LIN7A: variants seen among roughly 807,000 people sequenced by gnomAD.
LIN7A encodes protein lin-7 homolog A.
Under a neutral mutation model 29.8 loss-of-function variants are expected in LIN7A, and 25 were observed. The observed-to-expected ratio is 0.84, with a 90% CI of 0.61 to 1.17. LIN7A has a LOEUF of 1.17. LIN7A is among the 50% of genes most tolerant of loss of function. The pLI is 0.00. For missense variants in LIN7A, 239 were observed against 287.0 expected, an observed-to-expected ratio of 0.83 and a Z score of 1.21; for synonymous variants, 118 against 107.5, an observed-to-expected ratio of 1.10 and a Z score of -0.60.
chr12:80,829,227 G>T (rs537058364), intron 4 of LIN7A, among the ~76,000 whole-genome samples: 6 of 152,264 alleles, frequency 3.9e-5, no homozygotes, highest in African/African-American at 1.4e-4. Context: ...GGTAACTCAG[G>T]TGAAATGAAG....
intron 1 of LIN7A, among the ~76,000 whole-genome samples, chr12:80,902,217 G>GGTTTTTTTTTTTTTTT (rs1876251078): frequency 1.8e-4 from 22 of 125,624 alleles, no homozygotes; most frequent in African/African-American, 6.4e-4. Context: ...TGGTCTATGT[G>GGTTTTTTTTTTTTTTT]TTTTTTTTTT....
At chr12:80,926,927 CAAAA>C (rs35483715) in intron 1 of LIN7A, among the ~76,000 whole-genome samples, 21 of 55,890 alleles carry the variant, frequency 3.8e-4, no homozygotes, top group Admixed American at 9.7e-4. Flanking sequence ...GACTCCATCT[CAAAA>C]AAAAAAAAAA....
chr12:80,932,744 A>G (rs563647706), intron 1 of LIN7A, among the ~76,000 whole-genome samples: 1 of 152,354 alleles, frequency 6.6e-6, no homozygotes, highest in Admixed American at 6.5e-5. Context: ...TGAAAAGTGA[A>G]GGAGAATTGG....
intron 4 of LIN7A, among the ~76,000 whole-genome samples, chr12:80,831,199 T>C (rs1872332289): frequency 6.6e-6 from 1 of 152,218 alleles, no homozygotes. Flanking sequence ...AGCAATGTTA[T>C]ATAGCCTTGT....
At chr12:80,934,071 G>A (rs1347553019) in intron 1 of LIN7A, among the ~76,000 whole-genome samples, 5 of 152,026 alleles carry the variant, frequency 3.3e-5, no homozygotes, top group African/African-American at 7.2e-5. Context: ...CATTAGACTC[G>A]TAAGGACCAC....
At chr12:80,886,280 A>G (rs1394460974) in intron 2 of LIN7A, among the ~76,000 whole-genome samples, 2 of 151,994 alleles carry the variant, frequency 1.3e-5, no homozygotes, top group Non-Finnish European at 2.9e-5. Flanking sequence ...ACTATAATGC[A>G]ACTTCGAGAC....
chr12:80,878,862 T>A (rs564673093), intron 2 of LIN7A, among the ~76,000 whole-genome samples: 15 of 152,174 alleles, frequency 9.9e-5, no homozygotes, highest in Non-Finnish European at 1.6e-4. Flanking sequence ...CAGCACTGAT[T>A]GGTGTGTTTT....
intron 2 of LIN7A, among the ~76,000 whole-genome samples, chr12:80,875,204 A>T (rs1434234175): frequency 6.6e-6 from 1 of 152,202 alleles, no homozygotes; most frequent in African/African-American, 2.4e-5. Context: ...CCATAAAATT[A>T]CGTTTACAGT....
chr12:80,926,927 CAAA>C (rs35483715), intron 1 of LIN7A, among the ~76,000 whole-genome samples: 3,027 of 55,502 alleles, frequency 0.055, 66 homozygotes, highest in East Asian at 0.22. Flanking sequence ...GACTCCATCT[CAAA>C]AAAAAAAAAA....
At chr12:80,868,291 A>G (rs12319667) in intron 2 of LIN7A, among the ~76,000 whole-genome samples, 64,697 of 152,078 alleles carry the variant, frequency 0.43, 14,208 homozygotes, top group East Asian at 0.68. Context: ...TAAACTGGCC[A>G]GGAACGGTGG....
chr12:80,919,571 G>A (rs1416193824), intron 1 of LIN7A, among the ~76,000 whole-genome samples: 1 of 152,124 alleles, frequency 6.6e-6, no homozygotes, highest in Non-Finnish European at 1.5e-5. Context: ...AAAACAAGAG[G>A]TGTAGACCCA....
At chr12:80,828,882 A>G (rs1592869337) in intron 4 of LIN7A, among the ~76,000 whole-genome samples, 2 of 152,288 alleles carry the variant, frequency 1.3e-5, no homozygotes, top group Non-Finnish European at 2.9e-5. Context: ...TGGTGTTTCT[A>G]CACGTGGAGA....
At chr12:80,801,496 T>A (rs1870719684) in intron 5 of LIN7A, among the ~76,000 whole-genome samples, 1 of 152,204 alleles carries the variant, frequency 6.6e-6, no homozygotes, top group African/African-American at 2.4e-5. Flanking sequence ...CAAGATATAT[T>A]TTTAAAATTG....
At chr12:80,804,955 A>C (rs1870907249) in intron 5 of LIN7A, among the ~76,000 whole-genome samples, 1 of 152,128 alleles carries the variant, frequency 6.6e-6, no homozygotes, top group Non-Finnish European at 1.5e-5. Flanking sequence ...GTTGCTTCTA[A>C]ATCTTGGCTA....
intron 4 of LIN7A, 54 bp from the exon 5 acceptor site, chr12:80,811,737 G>A: frequency 1.3e-6 from 2 of 1,552,190 alleles, no homozygotes; most frequent in South Asian, 1.2e-5. Flanking sequence ...TCTTTTCCCT[G>A]GAGACAAATC....
chr12:80,801,959 C>A (rs934641096), intron 5 of LIN7A, among the ~76,000 whole-genome samples: 2 of 149,318 alleles, frequency 1.3e-5, no homozygotes, highest in Admixed American at 6.7e-5. Context: ...TGCAGTGGTG[C>A]GATCTCGGCT....
At chr12:80,848,089 G>T (rs1055426523) in intron 3 of LIN7A, 162 bp downstream of exon 3, 1 of 697,962 alleles carries the variant, frequency 1.4e-6, no homozygotes, top group Non-Finnish European at 2.6e-6. Flanking sequence ...TTTTCCATTA[G>T]GATTTTTACC....
chr12:80,854,173 G>C (rs973945681), intron 2 of LIN7A, among the ~76,000 whole-genome samples: 26 of 152,098 alleles, frequency 1.7e-4, no homozygotes, highest in South Asian at 2.1e-4. Context: ...AATACTTATA[G>C]CAACTTTATT....
intron 1 of LIN7A, among the ~76,000 whole-genome samples, chr12:80,916,574 G>A (rs535077460): frequency 2.8e-4 from 43 of 152,278 alleles, no homozygotes; most frequent in African/African-American, 8.9e-4. Context: ...CTTCCTGAGA[G>A]TTGAGACTGT....
Sources: gnomAD v4.1 joint callset for allele counts (sites outside exome capture counted in the v4.1 genomes callset) on GRCh38, gnomAD v4.1.1 for gene constraint, MANE v1.5 for transcripts, NCBI Gene and HGNC (gene_info 2026-07-23, HGNC 2026-07-21) for gene names.